Variants in SLC39A10 observed in about 807,000 individuals in gnomAD.
SLC39A10 encodes zinc transporter ZIP10.
A neutral mutation model predicts 65.1 loss-of-function variants in SLC39A10; 13 were observed. That is an observed-to-expected ratio of 0.20 (90% confidence interval 0.13 to 0.32). SLC39A10 has a LOEUF of 0.32. SLC39A10 is among the 10% of genes least tolerant of loss of function. The pLI is 1.00. For synonymous variants in SLC39A10, 321 were observed against 342.2 expected (o/e 0.94, Z 0.68); for missense variants, 831 against 1,018.4 (o/e 0.82, Z 2.50).
intron 2 of SLC39A10, among the ~76,000 whole-genome samples, chr2:195,620,292 T>C (rs1688323749): frequency 6.6e-6 from 1 of 152,168 alleles, no homozygotes; most frequent in Non-Finnish European, 1.5e-5. Flanking sequence ...ATTAAAGGGT[T>C]AGAAAAATAT....
At chr2:195,641,930 G>C (rs1022185145) in intron 2 of SLC39A10, among the ~76,000 whole-genome samples, 5 of 152,128 alleles carry the variant, frequency 3.3e-5, no homozygotes, top group African/African-American at 9.7e-5. Flanking sequence ...GACCTCAGAT[G>C]GTCCACCCAC....
At position 195,638,999 on chromosome 2, in the gene SLC39A10, C is replaced by T. The variant is rs755689270; in HGVS notation, c.-12+32766C>T. Among the ~76,000 whole-genome samples the T allele has an allele frequency of 3.0e-4, 46 of 151,138 alleles. 1 individual carries two copies. Among genetic ancestry groups the T allele is most frequent in the Non-Finnish European group, 5.5e-4 (37 of 67,742 alleles). ...TTGAGACAGGGTCATGCTGGTGCCC[C>T]GGCTGGAGTGCAGTGGAACCATCGT... On this transcript the variant is annotated intron_variant, in intron 2 of 2. Coordinates refer to the SLC39A10 transcript ENST00000458054.
chr2:195,622,097 G>C (rs1688360199), intron 2 of SLC39A10, among the ~76,000 whole-genome samples: 1 of 152,138 alleles, frequency 6.6e-6, no homozygotes, highest in Non-Finnish European at 1.5e-5. Context: ...TGGGGGCCGT[G>C]GTTTATGCCT....
chr2:195,689,172 G>T (rs183150480), intron 3 of SLC39A10, among the ~76,000 whole-genome samples: 3 of 152,324 alleles, frequency 2.0e-5, no homozygotes, highest in African/African-American at 4.8e-5. Flanking sequence ...CACTTTGACA[G>T]TCTGAGGCAA....
intron 2 of SLC39A10, among the ~76,000 whole-genome samples, chr2:195,620,805 C>T (rs1688333919): frequency 6.6e-6 from 1 of 152,122 alleles, no homozygotes; most frequent in African/African-American, 2.4e-5. Context: ...AGGAATGTAT[C>T]CAATCAAAGT....
At chr2:195,625,209 T>C (rs1178746446) in intron 2 of SLC39A10, among the ~76,000 whole-genome samples, 1 of 92,582 alleles carries the variant, frequency 1.1e-5, no homozygotes, top group Non-Finnish European at 2.1e-5. Flanking sequence ...AGAGGGACAC[T>C]CTGTCTCAAA....
chr2:195,704,244 G>A (rs1691309026), intron 3 of SLC39A10, among the ~76,000 whole-genome samples: 1 of 152,038 alleles, frequency 6.6e-6, no homozygotes, highest in Admixed American at 6.5e-5. Context: ...AATTGAAGTT[G>A]CTTTTAGGCT....
rs35363951 is a variant in SLC39A10, at chr2:195,713,414, A to AT, written c.1576-11dup. 2,469 of 1,516,804 alleles carry AT rather than the reference A, an allele frequency of 1.6e-3. 33 individuals carry two copies. In the African/African-American group the frequency reaches 0.031, roughly 19 times the overall value. The allele number at this position is 1,516,804 out of a possible 1,614,324, so 94.0% of individuals were successfully genotyped here. ...ACATTTTATACTAATATCAGATACT[A>AT]TTTTTTTTCTTTTTTTAGGGAAAAC... On this transcript the variant is annotated intron_variant, in intron 5 of 9. Transcript: ENST00000359634.
Position 195,728,118 on chromosome 2 carries a change from TC to T in SLC39A10, c.2147-39del, listed in dbSNP as rs746332276. 2 of 1,546,052 alleles carry T rather than the reference TC, an allele frequency of 1.3e-6. No individual in the cohort carries two copies. Among genetic ancestry groups the T allele is most frequent in the South Asian group, 2.4e-5 (2 of 84,046 alleles). On this transcript the variant is annotated intron_variant, in intron 8 of 9. Coordinates refer to ENST00000359634, the MANE Select transcript of SLC39A10 (RefSeq NM_020342.3). The surrounding 1 kb of genome is among the most constrained non-coding windows in gnomAD (Gnocchi z 4.4). The stretch of plus-strand genomic sequence containing the variant: ...TCTCCTTTCAGATTTGTGTTTTAAA[TC>T]CTGTGGTTTTAAAACATTCCCATTG...
rs1441167906 is a variant in SLC39A10, at chr2:195,646,491, C to G, written c.-11-33541C>G. Among the ~76,000 whole-genome samples the G allele has an allele frequency of 2.0e-5, 3 of 152,172 alleles. No homozygotes were observed. In the East Asian group the frequency reaches 5.8e-4, roughly 29 times the overall value. On this transcript the variant is annotated intron_variant, in intron 2 of 2. Coordinates refer to the SLC39A10 transcript ENST00000458054. ...AGCTCTGTAGGTCTGACACGAATTT[C>G]ACTGAGCCAAAACCAGGGTGTCAGC...
In SLC39A10 at chr2:195,716,944, T is replaced by TTTTA; in HGVS notation, c.2004_2005insTTTA (p.Ile669PhefsTer17). 6.2e-7 allele frequency: 1 copy of TTTTA among 1,614,216 alleles called. No homozygotes were observed. The highest frequency in any genetic ancestry group is 1.7e-5 in the Admixed American group (1 of 60,022). ...ATCTGAAAGAAACAGGAATAGCTAATATAGCCTGGATGGTGATCATGGGGG... is the reference window on the plus strand; with the variant it reads ...ATCTGAAAGAAACAGGAATAGCTAATTTTAATAGCCTGGATGGTGATCATGGGGG... On this transcript the variant is annotated frameshift_variant, in exon 7 of 10. Transcript: ENST00000359634. LOFTEE classifies it high-confidence loss of function.
chr2:195,713,112 A>G (rs972477453), intron 5 of SLC39A10, among the ~76,000 whole-genome samples: 1 of 152,162 alleles, frequency 6.6e-6, no homozygotes, highest in Non-Finnish European at 1.5e-5. Flanking sequence ...GTTACCTTAC[A>G]CTATTGGATA....
chr2:195,733,191 C>T (rs1692481704), intron 9 of SLC39A10, among the ~76,000 whole-genome samples: 2 of 152,116 alleles, frequency 1.3e-5, no homozygotes, highest in Non-Finnish European at 2.9e-5. Context: ...CACTAGATTT[C>T]TCCTCCCTAA....
rs150307366 is a variant in SLC39A10, at chr2:195,618,259, G to A, written c.-12+12026G>A. Among the ~76,000 whole-genome samples the A allele has an allele frequency of 0.017, 2,650 of 151,574 alleles. 196 individuals carry two copies. In the East Asian group the frequency reaches 0.23, roughly 13 times the overall value. ...CCAGCTACGCGGGAGGCTGAGGCAG[G>A]AGAATCACTTGAGCCTGGGAGGGAG... On this transcript the variant is annotated intron_variant, in intron 2 of 2. Coordinates refer to the SLC39A10 transcript ENST00000458054.
intron 5 of SLC39A10, among the ~76,000 whole-genome samples, chr2:195,709,147 C>T (rs1325597225): frequency 6.6e-6 from 1 of 152,054 alleles, no homozygotes; most frequent in Admixed American, 6.5e-5. Flanking sequence ...GCCCCAGCCT[C>T]CCGAGTAGCT....
intron 2 of SLC39A10, among the ~76,000 whole-genome samples, chr2:195,616,695 C>T (rs1343222694): frequency 1.3e-5 from 2 of 151,598 alleles, no homozygotes; most frequent in African/African-American, 4.9e-5. Flanking sequence ...GCTCCGCCTC[C>T]CAGGTTCACG....
chr2:195,639,976 TAG>T (rs1214594837), intron 2 of SLC39A10, among the ~76,000 whole-genome samples: 1 of 152,230 alleles, frequency 6.6e-6, no homozygotes, highest in African/African-American at 2.4e-5. Context: ...TTTATCAGTG[TAG>T]AGTCATGGAT....
intron 3 of SLC39A10, among the ~76,000 whole-genome samples, chr2:195,701,435 C>CTTTTT (rs66525117): frequency 1.8e-4 from 1 of 5,492 alleles, no homozygotes; most frequent in African/African-American, 8.6e-4. Context: ...TTCTGTGATT[C>CTTTTT]TTTTTTTTTT....
intron 9 of SLC39A10, among the ~76,000 whole-genome samples, chr2:195,733,438 T>G (rs1244964076): frequency 6.6e-6 from 1 of 152,178 alleles, no homozygotes; most frequent in Non-Finnish European, 1.5e-5. Context: ...CTTAGACAAA[T>G]TAAAGGAATT....
Sources: allele counts gnomAD v4.1 joint callset (sites outside exome capture counted in the v4.1 genomes callset), GRCh38; gene constraint gnomAD v4.1.1; non-coding constraint Gnocchi (gnomAD v3.1); transcripts MANE v1.5; gene names NCBI Gene and HGNC (gene_info 2026-07-23, HGNC 2026-07-21).